ZGLP1: variants seen among roughly 807,000 people sequenced by gnomAD.
The protein encoded by ZGLP1 is GATA-type zinc finger protein 1.
A neutral mutation model predicts 21.4 loss-of-function variants in ZGLP1; 11 were observed. The ratio of observed to expected loss-of-function variants is 0.51; its 90% CI spans 0.32 to 0.85. ZGLP1 has a LOEUF of 0.85. Ranked by LOEUF, ZGLP1 falls within the 40% of genes least tolerant of loss-of-function variation. The pLI, the probability that ZGLP1 is intolerant of heterozygous loss-of-function variation, is 0.03. For missense variants in ZGLP1, 295 were observed against 355.6 expected (o/e 0.83, Z 1.37); for synonymous variants, 148 against 145.0 (o/e 1.02, Z -0.15).
chr19:10,305,420 C>A lies in ZGLP1; in HGVS notation c.668G>T (p.Gly223Val). 6.3e-7 allele frequency: 1 copy of A among 1,599,918 alleles called. No individual in the cohort carries two copies. ...CCCACAGGCGTTGCAGAGAGGGGTCCCATCTTCAGCGTCTCTCCAGAGCGG... is the reference window on the plus strand; with the variant it reads ...CCCACAGGCGTTGCAGAGAGGGGTCACATCTTCAGCGTCTCTCCAGAGCGG... Residue 223 changes from glycine (G) to valine (V), a missense_variant, in exon 3 of 4, where the codon GGG becomes GTG. Around this residue, in one of 2 missense-constraint regions of ZGLP1, gnomAD observed 43 missense variants for 91.7 expected, o/e 0.47. Coordinates refer to ENST00000403903, the Ensembl canonical transcript of ZGLP1. This position sits in a 1 kb window ranked among gnomAD's most constrained non-coding sequence, Gnocchi z 4.7.
At chr19:10,306,002 C>A (rs1408038280) in intron 1 of ZGLP1, 50 bp from the exon 3 acceptor site, 3 of 1,328,710 alleles carry the variant, frequency 2.3e-6, no homozygotes, top group Non-Finnish European at 3.1e-6. Context: ...TAGCTTGTCC[C>A]CAACAGCCCT....
In ZGLP1 at chr19:10,305,879, T is replaced by C; in HGVS notation, c.571A>G (p.Thr191Ala). 1.3e-6 allele frequency: 2 copies of C among 1,561,638 alleles called. No homozygotes were observed. Among genetic ancestry groups the C allele is most frequent in the Non-Finnish European group, 1.7e-6 (2 of 1,151,694 alleles). ...TCGCTGCCTGCTGAGTGGGCCTCGG[T>C]GCCTCCTGGGTGGGCTGCAGGGCCC... Residue 191 changes from threonine (T) to alanine (A), a missense_variant, in exon 2 of 4, where the codon ACC (threonine) becomes GCC (alanine). Transcript: ENST00000403903. This position sits in a 1 kb window ranked among gnomAD's most constrained non-coding sequence, Gnocchi z 4.7.
At chr19:10,306,019 TGAA>T in intron 1 of ZGLP1, 67 bp from the exon 3 acceptor site, 1 of 1,217,270 alleles carries the variant, frequency 8.2e-7, no homozygotes, top group Non-Finnish European at 1.2e-6. Context: ...CCCTCCGAAA[TGAA>T]GATTTAGTAT....
At chr19:10,308,658 A>G (rs2040294252) in exon 1 of ZGLP1, 1 of 1,502,284 alleles carries the variant, frequency 6.7e-7, no homozygotes. Flanking sequence ...GACAGGCTAC[A>G]CACCCCACCT....
Position 10,305,985 on chromosome 19 carries a change from G to A in ZGLP1, c.498-33C>T. On this transcript the variant is annotated intron_variant, in intron 1 of 3. Transcript: ENST00000403903. The surrounding 1 kb of genome is among the most constrained non-coding windows in gnomAD (Gnocchi z 4.7). The stretch of plus-strand genomic sequence containing the variant: ...GCAGACAAGGTATTAGCACTGGGGG[G>A]GATCTGTAGCTTGTCCCCAACAGCC... The A allele has an allele frequency of 6.8e-7, 1 of 1,466,126 alleles. No homozygotes were observed. Among genetic ancestry groups the A allele is most frequent in the East Asian group, 2.5e-5 (1 of 40,232 alleles). 90.8% of individuals were successfully genotyped at this position (1,466,126 alleles called of 1,614,324 possible).
In ZGLP1 at chr19:10,305,317, C is replaced by G; in HGVS notation, c.698+73G>C. 1 of 1,547,226 alleles carries G rather than the reference C, an allele frequency of 6.5e-7. No individual in the cohort carries two copies. On this transcript the variant is annotated intron_variant, in intron 3 of 3. Coordinates refer to ENST00000403903, the Ensembl canonical transcript of ZGLP1. This position sits in a 1 kb window ranked among gnomAD's most constrained non-coding sequence, Gnocchi z 4.7. The stretch of plus-strand genomic sequence containing the variant: ...GTAGGTGTTTTGCTTTTTGCTTTCC[C>G]CACAGGCCATCCTGGTTACACGTGG...
Position 10,305,518 on chromosome 19 carries a change from G to A in ZGLP1, c.605-35C>T. 6 of 1,553,158 alleles carry A rather than the reference G, an allele frequency of 3.9e-6. No homozygotes were observed. Among genetic ancestry groups the A allele is most frequent in the Non-Finnish European group, 4.4e-6 (5 of 1,141,716 alleles). ...CAGAGGTCAAAGGGCAGGGGTCAGA[G>A]GCCAAGCATGTGAGCTCGGGATGCC... On this transcript the variant is annotated intron_variant, in intron 2 of 3. Coordinates refer to ENST00000403903, the Ensembl canonical transcript of ZGLP1. This position sits in a 1 kb window ranked among gnomAD's most constrained non-coding sequence, Gnocchi z 4.7.
At chr19:10,306,742 G>A (rs1349012722) in intron 1 of ZGLP1, among the ~76,000 whole-genome samples, 1 of 152,034 alleles carries the variant, frequency 6.6e-6, no homozygotes, top group Non-Finnish European at 1.5e-5. Flanking sequence ...TTGGGCCTGG[G>A]AGGTCCAGGC....
rs1240412937 is a variant in ZGLP1 at position 10,305,655 on chromosome 19, T to C, written c.605-172A>G. On this transcript the variant is annotated intron_variant, in intron 2 of 3. Transcript: ENST00000403903. This position sits in a 1 kb window ranked among gnomAD's most constrained non-coding sequence, Gnocchi z 4.7. ...CAGCAAAGCCAGGAAGGGAGACAGA[T>C]GGCAGCATTCCGCAGAGGAGGAAGC... 5.4e-6 allele frequency: 4 copies of C among 737,418 alleles called. No homozygotes were observed. Among genetic ancestry groups the C allele is most frequent in the Non-Finnish European group, 9.1e-6 (4 of 439,192 alleles). The allele number at this position is 737,418 out of a possible 1,614,324, so 45.7% of individuals were successfully genotyped here.
Position 10,305,594 on chromosome 19 carries a change from T to C in ZGLP1, c.605-111A>G. On this transcript the variant is annotated intron_variant, in intron 2 of 3. Coordinates refer to ENST00000403903, the Ensembl canonical transcript of ZGLP1. The surrounding 1 kb of genome is among the most constrained non-coding windows in gnomAD (Gnocchi z 4.7). ...GGTCTCAGTAAAGGCCCCACCTAGCTCTGGATCAGCCCTGGGAGTTGCCAG... is the reference window on the plus strand; with the variant it reads ...GGTCTCAGTAAAGGCCCCACCTAGCCCTGGATCAGCCCTGGGAGTTGCCAG... 1.0e-6 allele frequency: 1 copy of C among 958,298 alleles called. No individual in the cohort carries two copies. Among genetic ancestry groups the C allele is most frequent in the Non-Finnish European group, 1.6e-6 (1 of 623,208 alleles). 59.4% of individuals were successfully genotyped at this position (958,298 alleles called of 1,614,324 possible).
rs1345667801 is a variant in ZGLP1 at position 10,305,857 on chromosome 19, CTGCCTGCTGAGTGGGCCTCGG to C, written c.572_592del (p.Thr191_Gly197del). The C allele has an allele frequency of 6.4e-7, 1 of 1,555,024 alleles. No homozygotes were observed. Among genetic ancestry groups the C allele is most frequent in the East Asian group, 2.4e-5 (1 of 41,628 alleles). ...TTTTCAGGACTCACCCAGGGCCTCG[CTGCCTGCTGAGTGGGCCTCGG>C]TGCCTCCTGGGTGGGCTGCAGGGCC... On this transcript the variant is annotated inframe_deletion, in exon 2 of 4. Coordinates refer to ENST00000403903, the Ensembl canonical transcript of ZGLP1. This position sits in a 1 kb window ranked among gnomAD's most constrained non-coding sequence, Gnocchi z 4.7.
intron 1 of ZGLP1, among the ~76,000 whole-genome samples, chr19:10,307,642 G>A (rs1041543213): frequency 6.6e-6 from 1 of 151,918 alleles, no homozygotes; most frequent in Non-Finnish European, 1.5e-5. Flanking sequence ...AGCCTCCTGA[G>A]CAGCTGGGAT....
At position 10,305,943 on chromosome 19, in the gene ZGLP1, G is replaced by A. The variant is rs2040277335; in HGVS notation, c.507C>T (p.Cys169=). 2 of 1,558,628 alleles carry A rather than the reference G, an allele frequency of 1.3e-6. No homozygotes were observed. The highest frequency in any genetic ancestry group is 2.7e-5 in the African/African-American group (2 of 73,636). ...CAGGGGATTCCTGAGAACGGCTACT[G>A]CAGGGCAGGCTGTGGGGCAGACAAG... Residue 169 remains cysteine (C), a synonymous_variant, in exon 2 of 4, where the codon TGC becomes TGT. Transcript: ENST00000403903. This position sits in a 1 kb window ranked among gnomAD's most constrained non-coding sequence, Gnocchi z 4.7.
exon 1 of ZGLP1, chr19:10,308,784 T>TTAGATC: frequency 8.6e-7 from 1 of 1,161,310 alleles, no homozygotes; most frequent in Non-Finnish European, 1.1e-6. Flanking sequence ...AATCAACCCC[T>TTAGATC]TACGGCACCC....
exon 1 of ZGLP1, chr19:10,308,409 G>A (rs1410850104): frequency 1.2e-6 from 2 of 1,608,796 alleles, no homozygotes; most frequent in Non-Finnish European, 1.7e-6. Flanking sequence ...GCAGCAGGCG[G>A]CCCTGAGTCC....
chr19:10,306,570 CA>C (rs1391070949), intron 1 of ZGLP1, among the ~76,000 whole-genome samples: 1 of 152,006 alleles, frequency 6.6e-6, no homozygotes, highest in East Asian at 1.9e-4. Context: ...CCCAATACAA[CA>C]GTTTTTTTTT....
Position 10,305,214 on chromosome 19 carries a change from G to A in ZGLP1, c.699-6C>T, listed in dbSNP as rs1347501923. The A allele has an allele frequency of 7.4e-6, 12 of 1,612,944 alleles. 1 individual carries two copies. The South Asian group carries it at 9.9e-5, about 13-fold the overall frequency. On this transcript the variant is annotated splice_region_variant and splice_polypyrimidine_tract_variant and intron_variant, in intron 3 of 3. Coordinates refer to ENST00000403903, the Ensembl canonical transcript of ZGLP1. This position sits in a 1 kb window ranked among gnomAD's most constrained non-coding sequence, Gnocchi z 4.7. ...GAGTGCCGTATTTCTTGTACCTAGG[G>A]TTGGGGGACAAGAAACTGCCATTTA...
At chr19:10,307,557 C>T (rs2040286674) in intron 1 of ZGLP1, among the ~76,000 whole-genome samples, 1 of 149,054 alleles carries the variant, frequency 6.7e-6, no homozygotes, top group Admixed American at 6.8e-5. Flanking sequence ...CTCTGTGGCT[C>T]AGGCTGGAGT....
Position 10,305,978 on chromosome 19 carries a change from CT to C in ZGLP1, c.498-27del. On this transcript the variant is annotated intron_variant, in intron 1 of 3. Transcript: ENST00000403903. The surrounding 1 kb of genome is among the most constrained non-coding windows in gnomAD (Gnocchi z 4.7). ...CTGTGGGGCAGACAAGGTATTAGCA[CT>C]GGGGGGGATCTGTAGCTTGTCCCCA... 1 of 1,498,236 alleles carries C rather than the reference CT, an allele frequency of 6.7e-7. No individual in the cohort carries two copies. The highest frequency in any genetic ancestry group is 9.1e-7 in the Non-Finnish European group (1 of 1,100,934). 92.8% of individuals were successfully genotyped at this position (1,498,236 alleles called of 1,614,324 possible).
Sources: gnomAD v4.1 joint callset for allele counts (sites outside exome capture counted in the v4.1 genomes callset) on GRCh38, gnomAD v4.1.1 for gene constraint, gnomAD v4.1.1 regional missense constraint, Gnocchi (gnomAD v3.1) non-coding constraint, MANE v1.5 for transcripts, NCBI Gene and HGNC (gene_info 2026-07-23, HGNC 2026-07-21) for gene names.